The following ADGRL3 variants were observed in gnomAD, a reference collection of about 807,000 sequenced individuals.
ADGRL3 encodes the protein calcium-independent alpha-latrotoxin receptor 3.
Under a neutral mutation model 153.5 loss-of-function variants are expected in ADGRL3, and 62 were observed. The observed-to-expected ratio is 0.40, with a 90% CI of 0.33 to 0.50. The LOEUF (loss-of-function observed/expected upper bound fraction) is 0.50, where lower values mean the gene tolerates loss of function less well. ADGRL3 is among the 20% of genes least tolerant of loss of function. ADGRL3 has a pLI of 0.47. For synonymous variants in ADGRL3, 710 were observed against 672.5 expected, an observed-to-expected ratio of 1.06 and a Z score of -0.86; for missense variants, 1,641 against 1,859.4, an observed-to-expected ratio of 0.88 and a Z score of 2.16.
intron 1 of ADGRL3, among the ~76,000 whole-genome samples, chr4:61,284,588 A>G (rs536117304): frequency 2.0e-4 from 30 of 152,074 alleles, no homozygotes; most frequent in African/African-American, 7.2e-4. Context: ...CCAGAAATAT[A>G]TATTTTCTGT....
At chr4:61,880,020 C>T (rs1220420453) in intron 9 of ADGRL3, among the ~76,000 whole-genome samples, 1 of 152,070 alleles carries the variant, frequency 6.6e-6, no homozygotes, top group African/African-American at 2.4e-5. Context: ...TCCACCATGC[C>T]CAGCTACTCT....
At chr4:61,372,813 C>A (rs1373286178) in intron 1 of ADGRL3, among the ~76,000 whole-genome samples, 1 of 151,974 alleles carries the variant, frequency 6.6e-6, no homozygotes, top group Non-Finnish European at 1.5e-5. Context: ...CAATGGCGGG[C>A]GCCCCTCCCC....
chr4:61,938,832 G>A (rs1052135020), intron 15 of ADGRL3, among the ~76,000 whole-genome samples: 1 of 142,206 alleles, frequency 7.0e-6, no homozygotes, highest in African/African-American at 2.6e-5. Flanking sequence ...TCCCAAACAT[G>A]GGAGTTAGAT....
At chr4:61,476,285 G>A (rs1258302331) in intron 2 of ADGRL3, among the ~76,000 whole-genome samples, 1 of 151,898 alleles carries the variant, frequency 6.6e-6, no homozygotes, top group South Asian at 2.1e-4. Flanking sequence ...AGTGCAGCGG[G>A]TGGACGATCT....
intron 5 of ADGRL3, among the ~76,000 whole-genome samples, chr4:61,667,875 A>G (rs949474331): frequency 6.6e-6 from 1 of 152,164 alleles, no homozygotes; most frequent in South Asian, 2.1e-4. Context: ...AATAATGACC[A>G]CTTTAGCCAT....
chr4:61,730,368 T>G (rs1169692422), intron 6 of ADGRL3, among the ~76,000 whole-genome samples: 1 of 151,942 alleles, frequency 6.6e-6, no homozygotes, highest in Non-Finnish European at 1.5e-5. Context: ...TGTGTTTATT[T>G]AATCATAGTT....
intron 1 of ADGRL3, among the ~76,000 whole-genome samples, chr4:61,207,787 C>T (rs1195716338): frequency 6.6e-6 from 1 of 152,112 alleles, no homozygotes; most frequent in Non-Finnish European, 1.5e-5. Flanking sequence ...ATTTGCATTT[C>T]TCTAATGTAG....
intron 19 of ADGRL3, among the ~76,000 whole-genome samples, chr4:61,987,708 C>G (rs987255090): frequency 2.0e-5 from 3 of 152,122 alleles, no homozygotes; most frequent in African/African-American, 4.8e-5. Flanking sequence ...AAGCTCAATA[C>G]AGTAAAATTG....
chr4:61,258,444 C>G (rs2092206441), intron 1 of ADGRL3, among the ~76,000 whole-genome samples: 1 of 152,126 alleles, frequency 6.6e-6, no homozygotes, highest in South Asian at 2.1e-4. Context: ...TTGTTCTGCT[C>G]CTCTGGGATG....
intron 2 of ADGRL3, among the ~76,000 whole-genome samples, chr4:61,473,762 C>T (rs1045117769): frequency 6.6e-6 from 1 of 151,886 alleles, no homozygotes; most frequent in African/African-American, 2.4e-5. Context: ...ATCTGTGGGG[C>T]CTGGAATCAT....
chr4:61,229,440 A>G (rs1160544502), intron 1 of ADGRL3, among the ~76,000 whole-genome samples: 2 of 152,050 alleles, frequency 1.3e-5, no homozygotes, highest in African/African-American at 4.8e-5. Flanking sequence ...AGAGAACTTT[A>G]ATTTGGGGCT....
intron 9 of ADGRL3, among the ~76,000 whole-genome samples, chr4:61,842,509 C>T (rs922653836): frequency 6.6e-6 from 1 of 152,036 alleles, no homozygotes; most frequent in Non-Finnish European, 1.5e-5. Context: ...AGCCAGTGAG[C>T]TTGGTTTTCT....
chr4:61,218,981 C>A (rs891360578), intron 1 of ADGRL3, among the ~76,000 whole-genome samples: 1 of 152,158 alleles, frequency 6.6e-6, no homozygotes, highest in Admixed American at 6.5e-5. Flanking sequence ...ATTGGCTGCT[C>A]TATGTAGACA....
At chr4:61,753,231 A>C (rs1018083291) in intron 8 of ADGRL3, among the ~76,000 whole-genome samples, 1 of 151,228 alleles carries the variant, frequency 6.6e-6, no homozygotes, top group African/African-American at 2.4e-5. Context: ...TTTCTGTGAA[A>C]AAAAAAAAAA....
At chr4:61,665,088 G>T (rs1489678176) in intron 5 of ADGRL3, among the ~76,000 whole-genome samples, 1 of 152,194 alleles carries the variant, frequency 6.6e-6, no homozygotes, top group East Asian at 1.9e-4. Flanking sequence ...TCTTCTGAAT[G>T]ATTTATGTGT....
intron 6 of ADGRL3, among the ~76,000 whole-genome samples, chr4:61,711,458 T>TTATATATATATATA (rs1167827672): frequency 0.023 from 795 of 34,522 alleles, 45 homozygotes; most frequent in Non-Finnish European, 0.029. Context: ...ATATGCTTCA[T>TTATATATATATATA]TATATATATA....
intron 1 of ADGRL3, among the ~76,000 whole-genome samples, chr4:61,317,645 AT>A (rs2095254450): frequency 6.6e-6 from 1 of 152,150 alleles, no homozygotes; most frequent in Non-Finnish European, 1.5e-5. Context: ...GTGAATGAAG[AT>A]TAGTGGACAG....
chr4:61,356,198 G>A (rs905057672), intron 1 of ADGRL3, among the ~76,000 whole-genome samples: 4 of 151,792 alleles, frequency 2.6e-5, no homozygotes, highest in Non-Finnish European at 5.9e-5. Context: ...CTCAGATTAC[G>A]CATCTACTGA....
intron 5 of ADGRL3, among the ~76,000 whole-genome samples, chr4:61,636,878 T>C (rs1402256810): frequency 2.0e-5 from 3 of 151,922 alleles, no homozygotes; most frequent in East Asian, 3.9e-4. Flanking sequence ...GGAAAAATAA[T>C]AACAATATAA....
Sources: gnomAD v4.1 joint callset for allele counts (sites outside exome capture counted in the v4.1 genomes callset) on GRCh38, gnomAD v4.1.1 for gene constraint, MANE v1.5 for transcripts, NCBI Gene and HGNC (gene_info 2026-07-23, HGNC 2026-07-21) for gene names.